PCDHGA1: variants seen among roughly 807,000 people sequenced by gnomAD.
PCDHGA1 encodes protocadherin gamma-A1.
PCDHGA1 carries 32 observed loss-of-function variants against 58.0 expected under a neutral mutation model. That is an observed-to-expected ratio of 0.55 (90% CI 0.42 to 0.74). The LOEUF is 0.74. Among genes scored for constraint, PCDHGA1 ranks in the 30% least tolerant of loss-of-function variants. The pLI is 0.00. For synonymous variants in PCDHGA1, 498 were observed against 501.1 expected, an observed-to-expected ratio of 0.99 and a Z score of 0.08; for missense variants, 1,205 against 1,182.3, an observed-to-expected ratio of 1.02 and a Z score of -0.28.
Position 141,431,135 on chromosome 5 carries a change from A to G in PCDHGA1, c.2422-63672A>G, listed in dbSNP as rs140069213. The G allele has an allele frequency of 1.5e-5, 24 of 1,614,266 alleles. No homozygotes were observed. In the African/African-American group the frequency reaches 3.1e-4, roughly 21 times the overall value. Reference sequence around the variant, plus strand: ...TGGAGTAGAAGTAGAAGTAAGGGACATTAACGACAATGCGCCTTACTTTCG... The same window carrying G: ...TGGAGTAGAAGTAGAAGTAAGGGACGTTAACGACAATGCGCCTTACTTTCG... On this transcript the variant is annotated intron_variant, in intron 1 of 3. Transcript: ENST00000517417. This position sits in a 1 kb window ranked among gnomAD's most constrained non-coding sequence, Gnocchi z 4.8.
At chr5:141,347,177 T>C (rs10477146) in intron 1 of PCDHGA1, among the ~76,000 whole-genome samples, 78 of 147,210 alleles carry the variant, frequency 5.3e-4, no homozygotes, top group African/African-American at 1.9e-3. Context: ...CTTTCTTTCT[T>C]TCTTGACAGG....
intron 1 of PCDHGA1, among the ~76,000 whole-genome samples, chr5:141,451,134 T>C (rs567790185): frequency 9.9e-5 from 15 of 152,254 alleles, no homozygotes; most frequent in African/African-American, 3.6e-4. Context: ...AGCCTTATGA[T>C]TGTATTTAGA....
intron 1 of PCDHGA1, chr5:141,344,176 T>A (rs751095809): frequency 6.2e-7 from 1 of 1,613,978 alleles, no homozygotes; most frequent in Non-Finnish European, 8.5e-7. Context: ...GTGGGCAACA[T>A]CGCTAACGAC....
At chr5:141,366,180 T>C in intron 1 of PCDHGA1, 1 of 1,613,950 alleles carries the variant, frequency 6.2e-7, no homozygotes, top group Non-Finnish European at 8.5e-7. Flanking sequence ...CCAGGACTCT[T>C]TGCGGTTGGG....
chr5:141,351,572 A>T (rs561261966), intron 1 of PCDHGA1: 1 of 1,614,024 alleles, frequency 6.2e-7, no homozygotes, highest in Non-Finnish European at 8.5e-7. Flanking sequence ...CACCCTGCAC[A>T]TCTCCGACAT....
chr5:141,356,595 C>G, intron 1 of PCDHGA1: 3 of 1,614,170 alleles, frequency 1.9e-6, no homozygotes, highest in South Asian at 2.2e-5. Context: ...CTGAAAACAA[C>G]CCCAGAGGAG....
chr5:141,485,416 C>T lies in PCDHGA1; in HGVS notation c.2422-9391C>T, dbSNP rs1311879785. On this transcript the variant is annotated intron_variant, in intron 1 of 3. Coordinates refer to ENST00000517417, the MANE Select transcript of PCDHGA1 (RefSeq NM_018912.3). This position sits in a 1 kb window ranked among gnomAD's most constrained non-coding sequence, Gnocchi z 5.7. Reference sequence around the variant, plus strand: ...GACACTTCCGTGTGGATTTGGACAGCGGAGCCCTGCTCATCAAGAACCCAA... The same window carrying T: ...GACACTTCCGTGTGGATTTGGACAGTGGAGCCCTGCTCATCAAGAACCCAA... 10 of 1,613,988 alleles carry T rather than the reference C, an allele frequency of 6.2e-6. No individual in the cohort carries two copies. Among genetic ancestry groups the T allele is most frequent in the South Asian group, 4.4e-5 (4 of 91,086 alleles).
At chr5:141,351,247 T>G (rs1262352306) in intron 1 of PCDHGA1, 18 of 1,614,026 alleles carry the variant, frequency 1.1e-5, no homozygotes, top group Non-Finnish European at 1.4e-5. Context: ...ACTGTAATGT[T>G]CAAATAGAAA....
At chr5:141,384,974 AC>A (rs1780722542) in intron 1 of PCDHGA1, 1 of 1,613,712 alleles carries the variant, frequency 6.2e-7, no homozygotes, top group Non-Finnish European at 8.5e-7. Context: ...CTCACGTTGT[AC>A]CTGGTGGTGG....
At chr5:141,367,089 CT>C in intron 1 of PCDHGA1, 1 of 258,634 alleles carries the variant, frequency 3.9e-6, no homozygotes, top group East Asian at 1.0e-4. Context: ...ATATTGTTCT[CT>C]TTTGAGTGTC....
At chr5:141,361,943 G>A (rs758202252) in intron 1 of PCDHGA1, 2 of 1,605,254 alleles carry the variant, frequency 1.2e-6, no homozygotes, top group South Asian at 2.2e-5. Flanking sequence ...CACAACGCTT[G>A]GCTGTCCTAC....
chr5:141,401,712 A>G (rs987480271), intron 1 of PCDHGA1, among the ~76,000 whole-genome samples: 1 of 152,226 alleles, frequency 6.6e-6, no homozygotes, highest in Non-Finnish European at 1.5e-5. Flanking sequence ...TCCATTTTTA[A>G]GACAAAAACT....
intron 3 of PCDHGA1, among the ~76,000 whole-genome samples, chr5:141,509,685 A>G (rs923641083): frequency 6.6e-6 from 1 of 152,166 alleles, no homozygotes. Flanking sequence ...TCTTCTGTAC[A>G]GTGGGACGTT....
In PCDHGA1 at chr5:141,332,091, C is replaced by G. The variant is rs1056155977; in HGVS notation, c.1407C>G (p.Ala469=). ...AYIPENNPRG[A]SIFSVRAHDL... is the part of the protein sequence containing the mutation. Reference sequence around the variant, plus strand: ...TTCCCGAAAACAACCCCAGAGGAGCCTCCATCTTCTCTGTGAGGGCCCACG... The same window carrying G: ...TTCCCGAAAACAACCCCAGAGGAGCGTCCATCTTCTCTGTGAGGGCCCACG... Residue 469 remains alanine, a synonymous_variant, in exon 1 of 4, where the codon GCC becomes GCG. Coordinates refer to ENST00000517417, the MANE Select transcript of PCDHGA1 (RefSeq NM_018912.3). The surrounding 1 kb of genome is among the most constrained non-coding windows in gnomAD (Gnocchi z 4.6). 6.2e-7 allele frequency: 1 copy of G among 1,614,182 alleles called. No homozygotes were observed. Among genetic ancestry groups the G allele is most frequent in the Non-Finnish European group, 8.5e-7 (1 of 1,180,026 alleles).
chr5:141,372,580 C>T (rs1363878149), intron 1 of PCDHGA1: 1 of 1,614,038 alleles, frequency 6.2e-7, no homozygotes, highest in Non-Finnish European at 8.5e-7. Flanking sequence ...TACTTTCAGC[C>T]TGGTGTCTGC....
At chr5:141,341,756 G>T in intron 1 of PCDHGA1, 1 of 397,388 alleles carries the variant, frequency 2.5e-6, no homozygotes. Flanking sequence ...AAAGATTGGA[G>T]TTTATGTTTA....
intron 1 of PCDHGA1, chr5:141,413,590 G>A (rs759901330): frequency 1.2e-6 from 2 of 1,613,886 alleles, no homozygotes; most frequent in Non-Finnish European, 1.7e-6. Flanking sequence ...AAAATTCCAA[G>A]CAGAAAATCT....
chr5:141,345,600 G>GAGACTTAA, intron 1 of PCDHGA1: 5 of 1,614,154 alleles, frequency 3.1e-6, no homozygotes, highest in Middle Eastern at 3.3e-4. Flanking sequence ...CTTCGACTAC[G>GAGACTTAA]AGCAATTTAG....
chr5:141,419,694 G>T, intron 1 of PCDHGA1: 2 of 1,612,974 alleles, frequency 1.2e-6, no homozygotes, highest in South Asian at 1.1e-5. Context: ...GTGCAGGCCA[G>T]TGAGCCCGGG....
Sources: gnomAD v4.1 joint callset for allele counts (sites outside exome capture counted in the v4.1 genomes callset) on GRCh38, gnomAD v4.1.1 for gene constraint, Gnocchi (gnomAD v3.1) non-coding constraint, MANE v1.5 for transcripts, NCBI Gene and HGNC (gene_info 2026-07-23, HGNC 2026-07-21) for gene names.